CSMD1: variants seen among roughly 807,000 people sequenced by gnomAD.
CSMD1 encodes CUB and Sushi multiple domains 1, also known as CUB and sushi domain-containing protein 1.
In CSMD1, 213 loss-of-function variants were observed where a neutral mutation model predicts 417.5. That is an observed-to-expected ratio of 0.51 (90% CI 0.46 to 0.57). The LOEUF (loss-of-function observed/expected upper bound fraction) is 0.57, where lower values mean the gene tolerates loss of function less well. Ranked by LOEUF, CSMD1 falls within the 20% of genes least tolerant of loss-of-function variation. The probability of loss-of-function intolerance (pLI) is 0.00; values close to 1 mark genes in which losing one functional copy is unlikely to be tolerated. For synonymous variants in CSMD1, 2,862 were observed against 1,736.8 expected, an observed-to-expected ratio of 1.65 and a Z score of -16.11; for missense variants, 6,923 against 4,529.7, an observed-to-expected ratio of 1.53 and a Z score of -15.17.
At chr8:3,615,544 T>C (rs1203288376) in intron 8 of CSMD1, among the ~76,000 whole-genome samples, 3 of 152,210 alleles carry the variant, frequency 2.0e-5, no homozygotes, top group Non-Finnish European at 4.4e-5. Flanking sequence ...TTTCTTCACA[T>C]CTATACTTTG....
At chr8:3,417,471 C>T (rs1813228091) in intron 12 of CSMD1, among the ~76,000 whole-genome samples, 1 of 152,198 alleles carries the variant, frequency 6.6e-6, no homozygotes, top group African/African-American at 2.4e-5. Flanking sequence ...GCTTGTATGT[C>T]TGCCTTTTTT....
chr8:4,613,847 G>A (rs986524977), intron 2 of CSMD1, among the ~76,000 whole-genome samples: 3 of 138,272 alleles, frequency 2.2e-5, no homozygotes, highest in Admixed American at 7.3e-5. Context: ...GAAAGCAGAA[G>A]GCTGTCTAAT....
chr8:4,056,434 A>G (rs1163242222), intron 3 of CSMD1, among the ~76,000 whole-genome samples: 1 of 151,690 alleles, frequency 6.6e-6, no homozygotes, highest in African/African-American at 2.4e-5. Flanking sequence ...TGCCAAACTA[A>G]CATTAAAATT....
chr8:4,056,070 G>C (rs1027486433), intron 3 of CSMD1, among the ~76,000 whole-genome samples: 8 of 144,446 alleles, frequency 5.5e-5, no homozygotes, highest in South Asian at 2.2e-4. Context: ...TTGGATATTG[G>C]TGGCTTCCTT....
At chr8:3,665,215 T>G (rs1798623100) in intron 7 of CSMD1, among the ~76,000 whole-genome samples, 1 of 152,154 alleles carries the variant, frequency 6.6e-6, no homozygotes, top group Admixed American at 6.5e-5. Context: ...ATATATTGTT[T>G]TGCTAAATAA....
rs75898396 is a variant in CSMD1 at position 3,430,280 on chromosome 8, G to A, written c.1562-20675C>T. On this transcript the variant is annotated intron_variant, in intron 12 of 69. Transcript: ENST00000635120. ...ATTATTATCAATATGAATACTTACA[G>A]GTGACATTTAATAACTGCTTACTAT... Among the ~76,000 whole-genome samples, 203 of 152,084 alleles carry A rather than the reference G, an allele frequency of 1.3e-3. 4 individuals carry two copies. In the East Asian group the frequency reaches 0.037, roughly 28 times the overall value.
intron 37 of CSMD1, among the ~76,000 whole-genome samples, chr8:3,180,858 G>A (rs1291537952): frequency 1.3e-5 from 2 of 151,926 alleles, no homozygotes; most frequent in Non-Finnish European, 2.9e-5. Flanking sequence ...TGGACAGCCT[G>A]GTCTTGAACA....
intron 3 of CSMD1, among the ~76,000 whole-genome samples, chr8:4,237,542 T>TG (rs917067035): frequency 1.7e-4 from 26 of 151,984 alleles, no homozygotes; most frequent in East Asian, 3.9e-4. Context: ...TACTTTTTTT[T>TG]TTTTGTTTTT....
intron 1 of CSMD1, 86 bp from the exon 2 acceptor site, chr8:4,637,644 ATTTTTTTTTTTTTTTTTTTTTTT>A (rs76431173): frequency 0.011 from 3,707 of 351,612 alleles, 128 homozygotes; most frequent in South Asian, 0.012. Flanking sequence ...ACTTTAGCCA[ATTTTTTTTTTTTTTTTTTTTTTT>A]TTTTTTTTTT....
At chr8:3,986,797 C>T (rs1001182496) in intron 5 of CSMD1, among the ~76,000 whole-genome samples, 1 of 151,906 alleles carries the variant, frequency 6.6e-6, no homozygotes, top group Admixed American at 6.6e-5. Context: ...ACCCTGTTGC[C>T]CAGGCTGGAA....
intron 2 of CSMD1, among the ~76,000 whole-genome samples, chr8:4,508,058 G>A (rs1421446410): frequency 6.7e-6 from 1 of 148,488 alleles, no homozygotes; most frequent in African/African-American, 2.5e-5. Context: ...ATGAGCATCT[G>A]GAGATTGTGA....
At position 4,946,409 on chromosome 8, in the gene CSMD1, T is replaced by A. The variant is rs190276449; in HGVS notation, c.85+47923A>T. On this transcript the variant is annotated intron_variant, in intron 1 of 69. Transcript: ENST00000635120. ...ATGAAGGAACTAGGTCATCGGTCAT[T>A]GTCCATGAAGATGGCTTTGGACCGT... Among the ~76,000 whole-genome samples, 248 of 152,274 alleles carry A rather than the reference T, an allele frequency of 1.6e-3. 1 individual carries two copies. The highest frequency in any genetic ancestry group is 3.0e-3 in the Non-Finnish European group (204 of 68,022).
In CSMD1 at chr8:4,095,502, G is replaced by C. The variant is rs116369799; in HGVS notation, c.416-63403C>G. Among the ~76,000 whole-genome samples the C allele has an allele frequency of 5.4e-3, 820 of 152,296 alleles. 6 individuals carry two copies. Among genetic ancestry groups the C allele is most frequent in the African/African-American group, 0.019 (783 of 41,552 alleles). Reference sequence around the variant, plus strand: ...TTTTTCCTATTTTCCGAAATTTGAAGTGGAAAGAATGTCCCCACTAGTATC... The same window carrying C: ...TTTTTCCTATTTTCCGAAATTTGAACTGGAAAGAATGTCCCCACTAGTATC... On this transcript the variant is annotated intron_variant, in intron 3 of 69. Coordinates refer to ENST00000635120, the MANE Select transcript of CSMD1 (RefSeq NM_033225.6).
intron 3 of CSMD1, among the ~76,000 whole-genome samples, chr8:4,268,245 A>C (rs1804344197): frequency 6.6e-6 from 1 of 152,188 alleles, no homozygotes; most frequent in Non-Finnish European, 1.5e-5. Context: ...TGAGCAAAAG[A>C]TGGCATTCAA....
intron 5 of CSMD1, among the ~76,000 whole-genome samples, chr8:3,930,974 T>G (rs761961898): frequency 5.3e-5 from 8 of 150,626 alleles, no homozygotes; most frequent in Non-Finnish European, 1.2e-4. Context: ...AAAAACGCCC[T>G]GTGGAATATC....
At chr8:3,592,756 C>T (rs957555679) in intron 8 of CSMD1, among the ~76,000 whole-genome samples, 15 of 152,084 alleles carry the variant, frequency 9.9e-5, no homozygotes, top group Non-Finnish European at 2.1e-4. Context: ...TTTACTAAAA[C>T]TCTGAGGACT....
intron 26 of CSMD1, among the ~76,000 whole-genome samples, chr8:3,277,522 G>C (rs1295532385): frequency 6.6e-6 from 1 of 152,008 alleles, no homozygotes; most frequent in African/African-American, 2.4e-5. Context: ...TCTCTGTGTG[G>C]TGTGAGATCT....
intron 2 of CSMD1, among the ~76,000 whole-genome samples, chr8:4,608,101 C>G (rs1045607086): frequency 6.6e-6 from 1 of 152,150 alleles, no homozygotes; most frequent in South Asian, 2.1e-4. Flanking sequence ...AAACCAACAA[C>G]AAGGTGACCA....
At chr8:4,523,217 C>G (rs1803572048) in intron 2 of CSMD1, among the ~76,000 whole-genome samples, 1 of 152,156 alleles carries the variant, frequency 6.6e-6, no homozygotes, top group African/African-American at 2.4e-5. Context: ...TGTTCACAGT[C>G]TTCTGTGGGA....
Sources: allele counts gnomAD v4.1 joint callset (sites outside exome capture counted in the v4.1 genomes callset), GRCh38; gene constraint gnomAD v4.1.1; transcripts MANE v1.5; gene names NCBI Gene and HGNC (gene_info 2026-07-23, HGNC 2026-07-21).